The following ARHGAP42 variants were observed in gnomAD, a reference collection of about 807,000 sequenced individuals.
ARHGAP42 encodes rho GTPase-activating protein 42.
In ARHGAP42, 63 loss-of-function variants were observed where a neutral mutation model predicts 125.0. The ratio of observed to expected loss-of-function variants is 0.50; its 90% CI spans 0.41 to 0.62. The LOEUF (loss-of-function observed/expected upper bound fraction) is 0.62, where lower values mean the gene tolerates loss of function less well. Among genes scored for constraint, ARHGAP42 ranks in the 20% least tolerant of loss-of-function variants. ARHGAP42 has a pLI of 0.00. For synonymous variants in ARHGAP42, 339 were observed against 351.0 expected (o/e 0.97, Z 0.38); for missense variants, 766 against 1,024.2 (o/e 0.75, Z 3.44).
chr11:100,945,558 A>G (rs1867994203), intron 10 of ARHGAP42, among the ~76,000 whole-genome samples: 1 of 152,096 alleles, frequency 6.6e-6, no homozygotes, highest in South Asian at 2.1e-4. Flanking sequence ...TCCTTGATCC[A>G]TGTGCTACAT....
chr11:100,818,189 T>A (rs890180200), intron 3 of ARHGAP42, among the ~76,000 whole-genome samples: 7 of 152,192 alleles, frequency 4.6e-5, no homozygotes, highest in African/African-American at 1.4e-4. Context: ...TCACCTTTTT[T>A]AATTTTGTTA....
At chr11:100,897,217 G>A (rs1866387716) in intron 4 of ARHGAP42, among the ~76,000 whole-genome samples, 5 of 152,186 alleles carry the variant, frequency 3.3e-5, no homozygotes. Context: ...ACTGGTACCA[G>A]TACCATGCTA....
At chr11:100,714,465 A>G (rs1861620181) in intron 1 of ARHGAP42, among the ~76,000 whole-genome samples, 1 of 151,688 alleles carries the variant, frequency 6.6e-6, no homozygotes, top group African/African-American at 2.4e-5. Context: ...CATTCCCACT[A>G]ACCCTAACTT....
At chr11:100,954,843 TG>T (rs1232352148) in intron 12 of ARHGAP42, among the ~76,000 whole-genome samples, 2 of 152,190 alleles carry the variant, frequency 1.3e-5, no homozygotes, top group Non-Finnish European at 2.9e-5. Context: ...TCATGAACAC[TG>T]ATAAATGTAC....
At chr11:100,697,915 AT>A (rs1202996663) in intron 1 of ARHGAP42, among the ~76,000 whole-genome samples, 2 of 152,184 alleles carry the variant, frequency 1.3e-5, no homozygotes, top group Non-Finnish European at 2.9e-5. Context: ...TGTGACAACA[AT>A]TTACATATTA....
chr11:100,767,811 A>G (rs775593163), intron 1 of ARHGAP42, among the ~76,000 whole-genome samples: 6 of 152,184 alleles, frequency 3.9e-5, no homozygotes, highest in Non-Finnish European at 5.9e-5. Flanking sequence ...ATATACAAAT[A>G]AAGGGGTGTT....
chr11:100,859,115 A>G (rs552759422), intron 3 of ARHGAP42, among the ~76,000 whole-genome samples: 45 of 152,174 alleles, frequency 3.0e-4, no homozygotes, highest in African/African-American at 1.1e-3. Flanking sequence ...AGGGGGAAAA[A>G]TAAGCCTAAT....
intron 12 of ARHGAP42, 136 bp downstream of exon 12, chr11:100,950,092 T>A (rs966183703): frequency 5.9e-5 from 24 of 407,940 alleles, no homozygotes; most frequent in Non-Finnish European, 8.7e-5. Context: ...GAAATTTTTA[T>A]TTAAAATGTT....
At chr11:100,735,801 G>A (rs1862055652) in intron 1 of ARHGAP42, among the ~76,000 whole-genome samples, 2 of 151,846 alleles carry the variant, frequency 1.3e-5, no homozygotes. Context: ...GTAGAGATGG[G>A]ATTTCACTGT....
At chr11:100,765,654 C>G (rs752984221) in intron 1 of ARHGAP42, among the ~76,000 whole-genome samples, 1 of 152,130 alleles carries the variant, frequency 6.6e-6, no homozygotes, top group Non-Finnish European at 1.5e-5. Flanking sequence ...GCCTCACACC[C>G]CTACTGGACT....
intron 10 of ARHGAP42, among the ~76,000 whole-genome samples, chr11:100,946,834 G>A (rs548907936): frequency 6.6e-6 from 1 of 152,072 alleles, no homozygotes; most frequent in African/African-American, 2.4e-5. Flanking sequence ...GTGAGCAAAC[G>A]CTCTTGGAAA....
chr11:100,729,246 T>G (rs1426784827), intron 1 of ARHGAP42, among the ~76,000 whole-genome samples: 2 of 152,126 alleles, frequency 1.3e-5, no homozygotes, highest in African/African-American at 4.8e-5. Flanking sequence ...TTTAAAGTGG[T>G]ATGATAAACA....
intron 7 of ARHGAP42, among the ~76,000 whole-genome samples, chr11:100,934,831 C>A (rs950426907): frequency 2.6e-5 from 4 of 152,104 alleles, no homozygotes; most frequent in African/African-American, 7.2e-5. Context: ...GATTTATTCC[C>A]TTGTGTTTTG....
intron 3 of ARHGAP42, among the ~76,000 whole-genome samples, chr11:100,835,265 A>G (rs532978142): frequency 1.3e-5 from 2 of 152,280 alleles, no homozygotes; most frequent in East Asian, 3.9e-4. Flanking sequence ...TTGAGTTCCA[A>G]AGGAATTTAA....
intron 2 of ARHGAP42, among the ~76,000 whole-genome samples, chr11:100,793,526 T>A (rs1863624443): frequency 6.6e-6 from 1 of 152,250 alleles, no homozygotes; most frequent in Non-Finnish European, 1.5e-5. Flanking sequence ...GGGTTTAATA[T>A]TTCACACCAG....
intron 3 of ARHGAP42, among the ~76,000 whole-genome samples, chr11:100,843,732 T>C (rs1864994137): frequency 6.6e-6 from 1 of 151,796 alleles, no homozygotes; most frequent in Non-Finnish European, 1.5e-5. Context: ...CTTAGGAATA[T>C]ATCTAACCAA....
At chr11:100,827,494 G>A (rs1207240156) in intron 3 of ARHGAP42, among the ~76,000 whole-genome samples, 1 of 152,198 alleles carries the variant, frequency 6.6e-6, no homozygotes, top group Non-Finnish European at 1.5e-5. Flanking sequence ...TAACCCAAAG[G>A]TGCATGGATC....
intron 1 of ARHGAP42, among the ~76,000 whole-genome samples, chr11:100,744,565 C>T (rs61910507): frequency 3.7e-5 from 5 of 134,380 alleles, no homozygotes; most frequent in Admixed American, 7.4e-5. Flanking sequence ...TGTGTGTGTG[C>T]GTGCTTGTGT....
chr11:100,902,088 T>G (rs1335027634), intron 4 of ARHGAP42, among the ~76,000 whole-genome samples: 1 of 152,234 alleles, frequency 6.6e-6, no homozygotes. Context: ...AAAAGGGGAT[T>G]CCATAAGCAG....
Sources: allele counts gnomAD v4.1 joint callset (sites outside exome capture counted in the v4.1 genomes callset), GRCh38; gene constraint gnomAD v4.1.1; transcripts MANE v1.5; gene names NCBI Gene and HGNC (gene_info 2026-07-23, HGNC 2026-07-21).